Variants in CNST observed in about 807,000 individuals in gnomAD.
The protein encoded by CNST is consortin, connexin sorting protein, also known as consortin.
Under a neutral mutation model 72.4 loss-of-function variants are expected in CNST, and 39 were observed. That is an observed-to-expected ratio of 0.54 (90% CI 0.42 to 0.70). The LOEUF is 0.70. Among genes scored for constraint, CNST ranks in the 30% least tolerant of loss-of-function variants. CNST has a pLI of 0.00. For missense variants in CNST, 871 were observed against 868.5 expected (o/e 1.00, Z -0.04); for synonymous variants, 332 against 320.1 (o/e 1.04, Z -0.40).
At chr1:246,645,173 A>G (rs1309571791) in intron 8 of CNST, among the ~76,000 whole-genome samples, 4 of 152,110 alleles carry the variant, frequency 2.6e-5, no homozygotes, top group Non-Finnish European at 5.9e-5. Context: ...TCAGCACCAG[A>G]TGCTCTGAAA....
chr1:246,647,107 A>G (rs773167101), intron 8 of CNST, 32 bp from the exon 9 acceptor site: 2 of 1,575,238 alleles, frequency 1.3e-6, no homozygotes, highest in Non-Finnish European at 1.7e-6. Context: ...GTTGTTTTGA[A>G]TTTTTAACAA....
chr1:246,574,881 G>A (rs1266390185), intron 1 of CNST, among the ~76,000 whole-genome samples: 1 of 151,902 alleles, frequency 6.6e-6, no homozygotes, highest in Middle Eastern at 3.2e-3. Context: ...ATTTTTAGTA[G>A]TATTTTATTT....
chr1:246,660,421 C>T, intron 10 of CNST, 87 bp downstream of exon 10: 1 of 1,438,200 alleles, frequency 7.0e-7, no homozygotes, highest in Non-Finnish European at 9.5e-7. Context: ...CGTTTACTAA[C>T]AGGATTTGTA....
At chr1:246,618,033 AC>A (rs1663815515) in intron 2 of CNST, among the ~76,000 whole-genome samples, 1 of 152,194 alleles carries the variant, frequency 6.6e-6, no homozygotes, top group Non-Finnish European at 1.5e-5. Flanking sequence ...TTGTGTAGTC[AC>A]CAGTCTAGGC....
chr1:246,634,377 A>T, intron 5 of CNST, 96 bp from the exon 6 acceptor site: 1 of 675,268 alleles, frequency 1.5e-6, no homozygotes, highest in East Asian at 2.8e-5. Context: ...TTTGCATGCA[A>T]ATCTTTATGA....
rs569806392 is a variant in CNST, at chr1:246,647,447, G to A, written c.1246G>A (p.Gly416Ser). 2.2e-5 allele frequency: 36 copies of A among 1,614,142 alleles called. No individual in the cohort carries two copies. In the South Asian group the frequency reaches 3.0e-4, roughly 13 times the overall value. Residue 416 changes from glycine (G) to serine (S), a missense_variant, in exon 9 of 11, where the codon GGC becomes AGC. Coordinates refer to ENST00000366513, the MANE Select transcript of CNST (RefSeq NM_152609.3). Reference protein sequence around the residue: ...EACQDVARIEGIAEDPKVFLS... With the variant: ...EACQDVARIESIAEDPKVFLS... ...CTGCCAGGATGTGGCCAGAATAGAG[G>A]GCATTGCTGAAGACCCTAAGGTGTT...
chr1:246,574,295 C>G (rs908310074), intron 1 of CNST, among the ~76,000 whole-genome samples: 2 of 152,238 alleles, frequency 1.3e-5, no homozygotes, highest in Non-Finnish European at 2.9e-5. Context: ...CCCGCCTCGG[C>G]CTCCCAAAGT....
Position 246,666,000 on chromosome 1 carries a change from T to C in CNST, c.*95T>C. 1 of 873,190 alleles carries C rather than the reference T, an allele frequency of 1.1e-6. No individual in the cohort carries two copies. Among genetic ancestry groups the C allele is most frequent in the Non-Finnish European group, 1.8e-6 (1 of 565,730 alleles). The allele number at this position is 873,190 out of a possible 1,614,324, so 54.1% of individuals were successfully genotyped here. A position where few individuals can be genotyped will look rare whatever the true frequency, so the allele number is the denominator to read the frequency against. ...TCAGGAATTCTGTAGCATTCCCCCTTCCCTCTGTTAGGAACCAAGGACATC... is the reference window on the plus strand; with the variant it reads ...TCAGGAATTCTGTAGCATTCCCCCTCCCCTCTGTTAGGAACCAAGGACATC... On this transcript the variant is annotated 3_prime_UTR_variant, in exon 11 of 11. Coordinates refer to ENST00000366513, the MANE Select transcript of CNST (RefSeq NM_152609.3).
chr1:246,575,688 T>C (rs974511825), intron 1 of CNST, among the ~76,000 whole-genome samples: 1 of 152,162 alleles, frequency 6.6e-6, no homozygotes, highest in Admixed American at 6.5e-5. Context: ...CTAAAAGCTA[T>C]TGAATTGTGC....
chr1:246,614,279 A>C (rs1347418558), intron 2 of CNST, among the ~76,000 whole-genome samples: 1 of 152,186 alleles, frequency 6.6e-6, no homozygotes, highest in Non-Finnish European at 1.5e-5. Flanking sequence ...AATTTTATAC[A>C]TGAAATAAAA....
chr1:246,652,545 T>G (rs1666507573), intron 9 of CNST, among the ~76,000 whole-genome samples: 2 of 152,252 alleles, frequency 1.3e-5, no homozygotes, highest in Non-Finnish European at 2.9e-5. Flanking sequence ...AAACCATTCA[T>G]TTTTCTTCAT....
At chr1:246,662,197 C>T (rs1438297403) in intron 10 of CNST, among the ~76,000 whole-genome samples, 6 of 152,114 alleles carry the variant, frequency 3.9e-5, no homozygotes, top group Non-Finnish European at 8.8e-5. Context: ...TTGGTTTGTT[C>T]CTAAGCTCTG....
chr1:246,588,556 T>TA (rs1203371250), intron 1 of CNST, among the ~76,000 whole-genome samples: 1 of 152,180 alleles, frequency 6.6e-6, no homozygotes, highest in Admixed American at 6.5e-5. Context: ...GGCAATGTCA[T>TA]AGACAGCAGC....
chr1:246,579,881 G>A (rs1029761890), intron 1 of CNST, among the ~76,000 whole-genome samples: 5 of 152,168 alleles, frequency 3.3e-5, no homozygotes, highest in Non-Finnish European at 7.3e-5. Flanking sequence ...GACTTTAGCA[G>A]TTTCCCATAA....
At chr1:246,626,451 C>CTTTTTTTTTTT (rs74163468) in intron 3 of CNST, among the ~76,000 whole-genome samples, 4 of 79,920 alleles carry the variant, frequency 5.0e-5, no homozygotes, top group Admixed American at 2.0e-4. Context: ...TAGGTTTGTC[C>CTTTTTTTTTTT]TTTTTTTTTT....
At chr1:246,658,340 C>T (rs192457663) in intron 9 of CNST, among the ~76,000 whole-genome samples, 4 of 152,110 alleles carry the variant, frequency 2.6e-5, no homozygotes, top group African/African-American at 7.2e-5. Flanking sequence ...TCTTTAATGA[C>T]GATGTTGCTT....
chr1:246,571,007 ATCATTC>A (rs1482331156), intron 1 of CNST, among the ~76,000 whole-genome samples: 2 of 152,252 alleles, frequency 1.3e-5, no homozygotes, highest in African/African-American at 2.4e-5. Context: ...TTATGTAGGA[ATCATTC>A]TCATGGGGGA....
intron 8 of CNST, among the ~76,000 whole-genome samples, chr1:246,643,923 A>AT (rs1176241010): frequency 6.6e-6 from 1 of 152,168 alleles, no homozygotes; most frequent in Non-Finnish European, 1.5e-5. Context: ...TATTTTGTAA[A>AT]TAATACATTG....
intron 1 of CNST, among the ~76,000 whole-genome samples, chr1:246,567,689 A>T (rs1357069459): frequency 6.6e-6 from 1 of 152,220 alleles, no homozygotes; most frequent in Non-Finnish European, 1.5e-5. Context: ...ATTTGTTAGG[A>T]CATCATAGAA....
Sources: allele counts gnomAD v4.1 joint callset (sites outside exome capture counted in the v4.1 genomes callset), GRCh38; gene constraint gnomAD v4.1.1; transcripts MANE v1.5; gene names NCBI Gene and HGNC (gene_info 2026-07-23, HGNC 2026-07-21).